Variants in CARS1 observed in about 807,000 individuals in gnomAD.
CARS1 encodes the protein cysteinyl-tRNA synthetase 1.
CARS1 carries 48 observed loss-of-function variants against 106.2 expected under a neutral mutation model. The ratio of observed to expected loss-of-function variants is 0.45; its 90% CI spans 0.36 to 0.57. The LOEUF (loss-of-function observed/expected upper bound fraction) is 0.57, where lower values mean the gene tolerates loss of function less well. CARS1 is among the 20% of genes least tolerant of loss of function. The pLI is 0.00. For missense variants in CARS1, 968 were observed against 1,057.2 expected (o/e 0.92, Z 1.17); for synonymous variants, 409 against 403.4 (o/e 1.01, Z -0.17).
chr11:3,027,035 T>A, intron 9 of CARS1: 1 of 464,242 alleles, frequency 2.2e-6, no homozygotes, highest in African/African-American at 2.0e-5. Flanking sequence ...CCTGGCGTCC[T>A]GTGACCCATG....
chr11:3,045,640 G>T lies in CARS1; in HGVS notation c.274+2113C>A, dbSNP rs555408858. ...CACATGGGAGGAGCTGGTAACAGGC[G>T]GGCACACTGAGGGCCAGACACAGGC... On this transcript the variant is annotated intron_variant, in intron 2 of 22. Transcript: ENST00000380525. The surrounding 1 kb of genome is among the most constrained non-coding windows in gnomAD (Gnocchi z 5.6). Among the ~76,000 whole-genome samples, 11 of 152,128 alleles carry T rather than the reference G, an allele frequency of 7.2e-5. No homozygotes were observed. The highest frequency in any genetic ancestry group is 2.7e-4 in the African/African-American group (11 of 41,502).
chr11:3,022,193 T>A lies in CARS1; in HGVS notation c.1154-1861A>T, dbSNP rs1250954419. 6.6e-6 allele frequency among the ~76,000 whole-genome samples: 1 copy of A among 152,208 alleles called. No homozygotes were observed. The highest frequency in any genetic ancestry group is 2.4e-5 in the African/African-American group (1 of 41,466). ...ACGCTGACCACCTGCTCCACCACTG[T>A]TCCTAGCGATAGAATCTCTAACCCT... is the stretch of plus-strand genomic sequence containing the variant. On this transcript the variant is annotated intron_variant, in intron 10 of 22. Transcript: ENST00000380525. This position sits in a 1 kb window ranked among gnomAD's most constrained non-coding sequence, Gnocchi z 4.9.
chr11:3,015,279 G>A (rs1186082093), intron 17 of CARS1, among the ~76,000 whole-genome samples: 1 of 152,256 alleles, frequency 6.6e-6, no homozygotes, highest in Non-Finnish European at 1.5e-5. Flanking sequence ...AGGCCATGTG[G>A]ACCGACCTGG....
At chr11:3,006,397 G>C (rs1200717332) in intron 19 of CARS1, among the ~76,000 whole-genome samples, 1 of 152,238 alleles carries the variant, frequency 6.6e-6, no homozygotes, top group Admixed American at 6.5e-5. Context: ...AATGAGCCGA[G>C]ATCGCGCCAC....
Position 3,004,193 on chromosome 11 carries a change from G to C in CARS1, c.2217+1173C>G, listed in dbSNP as rs1463167415. On this transcript the variant is annotated intron_variant, in intron 20 of 22. Coordinates refer to ENST00000380525, the MANE Select transcript of CARS1 (RefSeq NM_001014437.3). This position sits in a 1 kb window ranked among gnomAD's most constrained non-coding sequence, Gnocchi z 5.2. ...CAGCCAACCTCACAGGGCAAGCCCA[G>C]CTCTTCCCAACCTGCCAACCAGGAT... Among the ~76,000 whole-genome samples the C allele has an allele frequency of 6.6e-6, 1 of 152,212 alleles. No homozygotes were observed. The highest frequency in any genetic ancestry group is 1.5e-5 in the Non-Finnish European group (1 of 68,022).
In CARS1 at chr11:3,045,759, TG is replaced by T. The variant is rs1855018611; in HGVS notation, c.274+1993del. The stretch of plus-strand genomic sequence containing the variant: ...TGTGCCAGCAAGGAAGGTGCATGCT[TG>T]GGGAGTATGAGCCATGGAAAGAGAG... On this transcript the variant is annotated intron_variant, in intron 2 of 22. Coordinates refer to ENST00000380525, the MANE Select transcript of CARS1 (RefSeq NM_001014437.3). This position sits in a 1 kb window ranked among gnomAD's most constrained non-coding sequence, Gnocchi z 5.6. 6.6e-6 allele frequency among the ~76,000 whole-genome samples: 1 copy of T among 152,094 alleles called. No homozygotes were observed. The highest frequency in any genetic ancestry group is 2.1e-4 in the South Asian group (1 of 4,818).
chr11:3,004,979 G>A lies in CARS1; in HGVS notation c.2217+387C>T, dbSNP rs542381772. Reference sequence around the variant, plus strand: ...AAAAATTAGCTGGGCACAGTGGTGCGTGCCTGTAGTCCCAGCTACTTGGGA... The same window carrying A: ...AAAAATTAGCTGGGCACAGTGGTGCATGCCTGTAGTCCCAGCTACTTGGGA... On this transcript the variant is annotated intron_variant, in intron 20 of 22. Coordinates refer to ENST00000380525, the MANE Select transcript of CARS1 (RefSeq NM_001014437.3). This position sits in a 1 kb window ranked among gnomAD's most constrained non-coding sequence, Gnocchi z 5.2. Among the ~76,000 whole-genome samples, 5 of 152,178 alleles carry A rather than the reference G, an allele frequency of 3.3e-5. No individual in the cohort carries two copies. The South Asian group carries it at 6.2e-4, about 19-fold the overall frequency.
At chr11:3,010,504 G>C (rs1012728359) in intron 18 of CARS1, among the ~76,000 whole-genome samples, 2 of 152,252 alleles carry the variant, frequency 1.3e-5, no homozygotes, top group African/African-American at 2.4e-5. Context: ...AATGCTGAGG[G>C]CATCAGGTGT....
rs956928541 is a variant in CARS1 at position 3,050,850 on chromosome 11, C to A, written c.26-2849G>T. 2.0e-5 allele frequency among the ~76,000 whole-genome samples: 3 copies of A among 152,242 alleles called. No homozygotes were observed. Among genetic ancestry groups the A allele is most frequent in the African/African-American group, 7.2e-5 (3 of 41,458 alleles). Reference sequence around the variant, plus strand: ...CGCCTCTAGACCCTGAGCCTGGCTGCTCTTTCTCTCCGCAGCACCCCTGTC... The same window carrying A: ...CGCCTCTAGACCCTGAGCCTGGCTGATCTTTCTCTCCGCAGCACCCCTGTC... On this transcript the variant is annotated intron_variant, in intron 1 of 22. Coordinates refer to ENST00000380525, the MANE Select transcript of CARS1 (RefSeq NM_001014437.3). This position sits in a 1 kb window ranked among gnomAD's most constrained non-coding sequence, Gnocchi z 6.3.
intron 10 of CARS1, 74 bp downstream of exon 10, chr11:3,026,602 G>A (rs1852102629): frequency 6.5e-7 from 1 of 1,548,850 alleles, no homozygotes; most frequent in African/African-American, 1.4e-5. Context: ...CAGCCCCCGT[G>A]GCCTGCAAAG....
chr11:3,040,309 G>C lies in CARS1; in HGVS notation c.456-378C>G. On this transcript the variant is annotated intron_variant, in intron 4 of 22. Transcript: ENST00000380525. This position sits in a 1 kb window ranked among gnomAD's most constrained non-coding sequence, Gnocchi z 5.8. Reference sequence around the variant, plus strand: ...CTATTTTAGTGGTGAAGTTTTTGGGGAATCAAAAGTTATGTGTGGATTTTC... The same window carrying C: ...CTATTTTAGTGGTGAAGTTTTTGGGCAATCAAAAGTTATGTGTGGATTTTC... The C allele has an allele frequency of 3.2e-6, 1 of 314,758 alleles. No individual in the cohort carries two copies. The highest frequency in any genetic ancestry group is 6.1e-6 in the Non-Finnish European group (1 of 163,796). The allele number at this position is 314,758 out of a possible 1,614,324, so 19.5% of individuals were successfully genotyped here.
In CARS1 at chr11:3,026,806, CAG is replaced by C. The variant is rs1194407341; in HGVS notation, c.1032-11_1032-10del. 6.2e-7 allele frequency: 1 copy of C among 1,607,694 alleles called. No homozygotes were observed. The highest frequency in any genetic ancestry group is 1.7e-5 in the Admixed American group (1 of 59,288). ...ACCCATTGGAGACATAGCTGGAAAA[CAG>C]AAAAGGAATTGGGTGGGTGCATCTA... On this transcript the variant is annotated splice_polypyrimidine_tract_variant and intron_variant, in intron 9 of 22. Coordinates refer to ENST00000380525, the MANE Select transcript of CARS1 (RefSeq NM_001014437.3).
In CARS1 at chr11:3,042,304, A is replaced by C. The variant is rs1306603377; in HGVS notation, c.275-48T>G. ...TCAGGGTCCAGGGGCAGCACCAGGA[A>C]GTGCAAGTCGCCTCTTCACCTGGAG... On this transcript the variant is annotated intron_variant, in intron 2 of 22. Coordinates refer to ENST00000380525, the MANE Select transcript of CARS1 (RefSeq NM_001014437.3). The C allele has an allele frequency of 3.5e-6, 5 of 1,430,796 alleles. No homozygotes were observed. In the Admixed American group the frequency reaches 7.3e-5, roughly 21 times the overall value. 88.6% of individuals were successfully genotyped at this position (1,430,796 alleles called of 1,614,324 possible). A position where few individuals can be genotyped will look rare whatever the true frequency, so the allele number is the denominator to read the frequency against.
At chr11:3,055,923 A>G (rs4758512) in intron 1 of CARS1, among the ~76,000 whole-genome samples, 141,463 of 152,248 alleles carry the variant, frequency 0.93, 65,787 homozygotes, top group African/African-American at 0.96. Context: ...GCAGAGTTGG[A>G]ACCCTGGCCC....
intron 1 of CARS1, among the ~76,000 whole-genome samples, chr11:3,056,643 C>T (rs1179901033): frequency 1.3e-5 from 2 of 152,208 alleles, no homozygotes; most frequent in Non-Finnish European, 2.9e-5. Flanking sequence ...TACGCGTACC[C>T]CTGGCGTCCT....
rs1469467342 is a variant in CARS1 at position 3,043,099 on chromosome 11, A to G, written c.275-843T>C. Among the ~76,000 whole-genome samples the G allele has an allele frequency of 1.3e-5, 2 of 152,154 alleles. No individual in the cohort carries two copies. Among genetic ancestry groups the G allele is most frequent in the Non-Finnish European group, 2.9e-5 (2 of 67,996 alleles). ...CCCCTGCCAGCCAGCCCCTCAGTGC[A>G]GTCACCTCCTCCTGGCCAGACTTCC... On this transcript the variant is annotated intron_variant, in intron 2 of 22. Transcript: ENST00000380525. This position sits in a 1 kb window ranked among gnomAD's most constrained non-coding sequence, Gnocchi z 4.0.
rs781273255 is a variant in CARS1 at position 3,020,236 on chromosome 11, G to A, written c.1250C>T (p.Pro417Leu). The change falls in exon 11 of 23, where the codon CCG becomes CTG. Residue 417 changes from proline (P) to leucine (L), a missense_variant. Transcript: ENST00000380525. The surrounding 1 kb of genome is among the most constrained non-coding windows in gnomAD (Gnocchi z 4.6). ...KASKPGEPSW[P>L]CPWGKGRPGW... ...CTCGCTCACCTTTCCCCAAGGGCACGGCCAGGACGGTTCTCCGGGCTTAGA... is the reference window on the plus strand; with the variant it reads ...CTCGCTCACCTTTCCCCAAGGGCACAGCCAGGACGGTTCTCCGGGCTTAGA... 11 of 1,607,348 alleles carry A rather than the reference G, an allele frequency of 6.8e-6. No individual in the cohort carries two copies. The highest frequency in any genetic ancestry group is 2.7e-5 in the African/African-American group (2 of 74,796).
At chr11:3,055,910 G>A (rs941881169) in intron 1 of CARS1, among the ~76,000 whole-genome samples, 4 of 152,190 alleles carry the variant, frequency 2.6e-5, no homozygotes, top group African/African-American at 7.2e-5. Context: ...TGTGGGGCGG[G>A]AGGCAGAGTT....
chr11:3,014,816 A>G (rs1443423652), intron 17 of CARS1, among the ~76,000 whole-genome samples: 1 of 152,222 alleles, frequency 6.6e-6, no homozygotes, highest in Non-Finnish European at 1.5e-5. Flanking sequence ...TTCTCTTTGC[A>G]AGTTGGTTCC....
Sources: gnomAD v4.1 joint callset for allele counts (sites outside exome capture counted in the v4.1 genomes callset) on GRCh38, gnomAD v4.1.1 for gene constraint, Gnocchi (gnomAD v3.1) non-coding constraint, MANE v1.5 for transcripts, NCBI Gene and HGNC (gene_info 2026-07-23, HGNC 2026-07-21) for gene names.